Variants in ZC3H12B observed in about 807,000 individuals in gnomAD.
The protein encoded by ZC3H12B is zinc finger CCCH-type containing 12B.
A neutral mutation model predicts 43.9 loss-of-function variants in ZC3H12B; 7 were observed. The observed-to-expected ratio is 0.16, with a 90% CI of 0.09 to 0.30. The LOEUF is 0.30. Among genes scored for constraint, ZC3H12B ranks in the 10% least tolerant of loss-of-function variants. The pLI is 1.00. For missense variants in ZC3H12B, 475 were observed against 670.2 expected (o/e 0.71, Z 3.22); for synonymous variants, 222 against 241.7 (o/e 0.92, Z 0.76).
At chrX:65,180,757 TAA>T in the ZC3H12B span, among the ~76,000 whole-genome samples, 4 of 110,728 alleles carry the variant, frequency 3.6e-5, no homozygotes, top group Non-Finnish European at 5.7e-5. Flanking sequence ...CTCAAGGAAA[TAA>T]GAGAGGACCC....
At chrX:65,237,619 T>C in the ZC3H12B span, among the ~76,000 whole-genome samples, 2 of 110,251 alleles carry the variant, frequency 1.8e-5, no homozygotes, top group African/African-American at 3.3e-5. Flanking sequence ...AGTTGTGAGA[T>C]AGGGCATACT....
At chrX:65,310,944 T>A in the ZC3H12B span, among the ~76,000 whole-genome samples, 1 of 112,383 alleles carries the variant, frequency 8.9e-6, no homozygotes, top group Admixed American at 9.4e-5. Flanking sequence ...GCTAGCCATA[T>A]GTAGAAAGCT....
chrX:65,215,770 G>A, the ZC3H12B span, among the ~76,000 whole-genome samples: 1 of 111,781 alleles, frequency 8.9e-6, no homozygotes, highest in African/African-American at 3.2e-5. Flanking sequence ...CTAAGCTTTC[G>A]ACATGCCTTC....
chrX:65,120,604 T>C, the ZC3H12B span, among the ~76,000 whole-genome samples: 2 of 111,336 alleles, frequency 1.8e-5, no homozygotes, highest in African/African-American at 6.5e-5. Context: ...ACAGGGACAA[T>C]TTGACTTCCT....
intron 2 of ZC3H12B, among the ~76,000 whole-genome samples, chrX:65,387,861 G>A (rs963004682): frequency 8.9e-6 from 1 of 112,337 alleles, no homozygotes; most frequent in Non-Finnish European, 1.9e-5. Context: ...CTCAGCATTT[G>A]CTTGTCTGTA....
the ZC3H12B span, among the ~76,000 whole-genome samples, chrX:65,168,384 G>A: frequency 8.9e-6 from 1 of 111,791 alleles, no homozygotes; most frequent in Non-Finnish European, 1.9e-5. Flanking sequence ...CAGGGATGAA[G>A]CCCACTTGAT....
the ZC3H12B span, among the ~76,000 whole-genome samples, chrX:65,254,309 C>T: frequency 8.9e-6 from 1 of 112,598 alleles, no homozygotes; most frequent in Non-Finnish European, 1.9e-5. Flanking sequence ...AGCCATTGCA[C>T]TGTTGTGGCC....
the ZC3H12B span, among the ~76,000 whole-genome samples, chrX:65,215,465 T>C: frequency 2.7e-5 from 3 of 110,703 alleles, no homozygotes; most frequent in Admixed American, 1.9e-4. Flanking sequence ...TACTTCAACT[T>C]CATGAATCAA....
chrX:65,116,673 G>A, the ZC3H12B span, among the ~76,000 whole-genome samples: 1 of 109,398 alleles, frequency 9.1e-6, no homozygotes, highest in Non-Finnish European at 1.9e-5. Flanking sequence ...CTGTTAACTC[G>A]TCATTTACAT....
At chrX:65,090,013 A>T in the ZC3H12B span, among the ~76,000 whole-genome samples, 1 of 112,378 alleles carries the variant, frequency 8.9e-6, no homozygotes, top group Non-Finnish European at 1.9e-5. Context: ...AAAAATAAGT[A>T]GATGGGGTAC....
chrX:65,035,008 G>A, the ZC3H12B span, among the ~76,000 whole-genome samples: 1 of 112,396 alleles, frequency 8.9e-6, no homozygotes, highest in Non-Finnish European at 1.9e-5. Context: ...AGGAGGGTCC[G>A]GGCCGCTGGG....
chrX:65,212,594 T>C, the ZC3H12B span, among the ~76,000 whole-genome samples: 2 of 82,969 alleles, frequency 2.4e-5, no homozygotes, highest in Non-Finnish European at 4.4e-5. Flanking sequence ...ATATTATATA[T>C]AATATATAAT....
chrX:65,212,634 A>G, the ZC3H12B span, among the ~76,000 whole-genome samples: 2 of 86,374 alleles, frequency 2.3e-5, no homozygotes, highest in Non-Finnish European at 2.1e-5. Context: ...ATATATAAAT[A>G]TATATGATTA....
the ZC3H12B span, among the ~76,000 whole-genome samples, chrX:65,228,146 C>G: frequency 8.9e-6 from 1 of 111,740 alleles, no homozygotes; most frequent in Non-Finnish European, 1.9e-5. Flanking sequence ...AAAATACTGG[C>G]AAACCGAATC....
the ZC3H12B span, among the ~76,000 whole-genome samples, chrX:65,222,533 A>G: frequency 5.5e-5 from 6 of 108,724 alleles, no homozygotes; most frequent in Admixed American, 5.0e-4. Flanking sequence ...ATCAGTAGAC[A>G]TGGTGTACAC....
chrX:65,153,976 A>C, the ZC3H12B span, among the ~76,000 whole-genome samples: 1 of 111,349 alleles, frequency 9.0e-6, no homozygotes, highest in Non-Finnish European at 1.9e-5. Flanking sequence ...AAACTATTGC[A>C]AGGACAAAAA....
chrX:65,453,359 C>CATATATAG (rs2067548002), intron 3 of ZC3H12B, among the ~76,000 whole-genome samples: 1 of 27,180 alleles, frequency 3.7e-5, no homozygotes. Context: ...AGCTCAAATG[C>CATATATAG]ATATATATAT....
chrX:65,197,209 G>C, the ZC3H12B span, among the ~76,000 whole-genome samples: 2 of 111,645 alleles, frequency 1.8e-5, no homozygotes, highest in Non-Finnish European at 3.8e-5. Flanking sequence ...GCCACCTGGC[G>C]GCTGGGGGAG....
chrX:65,141,744 A>G, the ZC3H12B span, among the ~76,000 whole-genome samples: 2 of 111,115 alleles, frequency 1.8e-5, no homozygotes, highest in African/African-American at 6.5e-5. Flanking sequence ...TAACTCCCAC[A>G]TATGAATGAG....
Sources: allele counts gnomAD v4.1 joint callset (sites outside exome capture counted in the v4.1 genomes callset), GRCh38; gene constraint gnomAD v4.1.1; transcripts MANE v1.5; gene names NCBI Gene and HGNC (gene_info 2026-07-23, HGNC 2026-07-21).